The following TMC1 variants were observed in gnomAD, a reference collection of about 807,000 sequenced individuals.
TMC1 encodes transmembrane channel like 1, also known as transmembrane channel-like protein 1.
In TMC1, 84 loss-of-function variants were observed where a neutral mutation model predicts 105.8. The ratio of observed to expected loss-of-function variants is 0.79; its 90% confidence interval spans 0.67 to 0.95. The LOEUF is 0.95. Among genes scored for constraint, TMC1 ranks in the 40% least tolerant of loss-of-function variants. The pLI is 0.00. For synonymous variants in TMC1, 315 were observed against 311.5 expected, an observed-to-expected ratio of 1.01 and a Z score of -0.12; for missense variants, 817 against 914.1, an observed-to-expected ratio of 0.89 and a Z score of 1.37.
intron 5 of TMC1, among the ~76,000 whole-genome samples, chr9:72,662,688 C>G (rs1425086810): frequency 6.6e-6 from 1 of 152,024 alleles, no homozygotes; most frequent in Non-Finnish European, 1.5e-5. Context: ...TAATAAACAG[C>G]AGATTCAAAC....
At chr9:72,592,519 C>T (rs1441558031) in intron 2 of TMC1, among the ~76,000 whole-genome samples, 1 of 152,184 alleles carries the variant, frequency 6.6e-6, no homozygotes, top group African/African-American at 2.4e-5. Context: ...GCCTCTCCCT[C>T]CTCCTTCAGA....
intron 5 of TMC1, among the ~76,000 whole-genome samples, chr9:72,655,334 G>A (rs1825867491): frequency 6.6e-6 from 1 of 152,108 alleles, no homozygotes; most frequent in African/African-American, 2.4e-5. Context: ...CATGAGAATG[G>A]ACTAACACGG....
At chr9:72,592,478 G>A (rs1824654866) in intron 2 of TMC1, among the ~76,000 whole-genome samples, 1 of 152,156 alleles carries the variant, frequency 6.6e-6, no homozygotes, top group South Asian at 2.1e-4. Context: ...TCCAGCCTCA[G>A]CACCTTGCTG....
At chr9:72,700,867 T>C (rs1826634931) in intron 8 of TMC1, 1 of 196,192 alleles carries the variant, frequency 5.1e-6, no homozygotes, top group African/African-American at 2.3e-5. Flanking sequence ...TAAACATGTA[T>C]ATCATATTTC....
intron 12 of TMC1, among the ~76,000 whole-genome samples, chr9:72,757,074 G>T (rs1473883617): frequency 6.6e-6 from 1 of 152,152 alleles, no homozygotes; most frequent in South Asian, 2.1e-4. Flanking sequence ...TTCAAGGCCT[G>T]CCTGAAAACA....
chr9:72,528,675 A>C (rs1823447146), intron 1 of TMC1, among the ~76,000 whole-genome samples: 1 of 151,818 alleles, frequency 6.6e-6, no homozygotes, highest in African/African-American at 2.4e-5. Context: ...ATGGACTAAA[A>C]CCCCCATCCT....
intron 12 of TMC1, among the ~76,000 whole-genome samples, chr9:72,768,572 C>T (rs1037915931): frequency 1.3e-5 from 2 of 151,966 alleles, no homozygotes; most frequent in African/African-American, 2.4e-5. Flanking sequence ...ACTGCAGAAA[C>T]CTTTGTGAAC....
chr9:72,601,197 C>CACAG (rs1554714608), intron 2 of TMC1, among the ~76,000 whole-genome samples: 6 of 138,542 alleles, frequency 4.3e-5, no homozygotes, highest in African/African-American at 8.7e-5. Flanking sequence ...CACACACAGA[C>CACAG]ACACACACAC....
intron 4 of TMC1, among the ~76,000 whole-genome samples, chr9:72,645,834 T>C (rs1054225594): frequency 6.6e-6 from 1 of 152,208 alleles, no homozygotes; most frequent in Non-Finnish European, 1.5e-5. Context: ...TTTTCCTTAG[T>C]TAATAATGTA....
rs1343857565 is a variant in TMC1 at position 72,701,396 on chromosome 9, G to A, written c.362+753G>A. On this transcript the variant is annotated intron_variant, in intron 8 of 23. Transcript: ENST00000297784. ...GGGGATGGGAAGATTCACCCCTGAG[G>A]ATCACACTATATTTCCCTGCCCTGG... 2.6e-5 allele frequency among the ~76,000 whole-genome samples: 4 copies of A among 152,274 alleles called. No homozygotes were observed. In the East Asian group the frequency reaches 5.8e-4, roughly 22 times the overall value.
At chr9:72,544,274 A>C (rs1386262455) in intron 1 of TMC1, among the ~76,000 whole-genome samples, 1 of 151,702 alleles carries the variant, frequency 6.6e-6, no homozygotes. Flanking sequence ...TTTTGTGCTT[A>C]ACATAAAGTT....
chr9:72,664,420 G>A (rs1209081313), intron 5 of TMC1, among the ~76,000 whole-genome samples: 1 of 152,188 alleles, frequency 6.6e-6, no homozygotes, highest in East Asian at 1.9e-4. Flanking sequence ...GAAACCTGCA[G>A]TCCTAAATGG....
chr9:72,742,317 G>A (rs1370813784), intron 9 of TMC1, 127 bp from the exon 10 acceptor site: 1 of 763,428 alleles, frequency 1.3e-6, no homozygotes, highest in East Asian at 2.7e-5. Context: ...CCTTTGACTA[G>A]AAAGTAGTAT....
At chr9:72,703,594 A>G (rs1329451011) in intron 8 of TMC1, among the ~76,000 whole-genome samples, 1 of 152,110 alleles carries the variant, frequency 6.6e-6, no homozygotes, top group Non-Finnish European at 1.5e-5. Flanking sequence ...AACAATCCAT[A>G]TTACTTGTTT....
At chr9:72,697,197 T>C (rs1826564533) in intron 7 of TMC1, among the ~76,000 whole-genome samples, 1 of 152,154 alleles carries the variant, frequency 6.6e-6, no homozygotes, top group Admixed American at 6.5e-5. Flanking sequence ...ACTGGGTTTA[T>C]GATGATAACC....
intron 4 of TMC1, among the ~76,000 whole-genome samples, chr9:72,642,121 A>C (rs1825639231): frequency 6.6e-6 from 1 of 152,040 alleles, no homozygotes; most frequent in Admixed American, 6.6e-5. Context: ...CTGGCCCCAG[A>C]TCTTAGATTT....
At chr9:72,737,592 G>A (rs1291907457) in intron 8 of TMC1, among the ~76,000 whole-genome samples, 1 of 152,160 alleles carries the variant, frequency 6.6e-6, no homozygotes, top group East Asian at 1.9e-4. Flanking sequence ...CATGGGCAAG[G>A]TCATAGAGAC....
intron 1 of TMC1, among the ~76,000 whole-genome samples, chr9:72,572,388 T>A (rs1587966820): frequency 6.6e-6 from 1 of 152,090 alleles, no homozygotes; most frequent in East Asian, 1.9e-4. Flanking sequence ...AGAGATGGTA[T>A]TTTGTCATAT....
At position 72,595,988 on chromosome 9, in the gene TMC1, C is replaced by T. The variant is rs138426827; in HGVS notation, c.-306+17965C>T. Among the ~76,000 whole-genome samples the T allele has an allele frequency of 2.5e-3, 383 of 151,674 alleles. 2 individuals are homozygous for T. The highest frequency in any genetic ancestry group is 8.0e-3 in the African/African-American group (332 of 41,354). ...GCCTCCTGGGTTCAAGCGATTCTTC[C>T]GCCTCAGCCTCCCAAGTAGCTGGGA... On this transcript the variant is annotated intron_variant, in intron 2 of 23. Transcript: ENST00000297784.
Sources: allele counts gnomAD v4.1 joint callset (sites outside exome capture counted in the v4.1 genomes callset), GRCh38; gene constraint gnomAD v4.1.1; transcripts MANE v1.5; gene names NCBI Gene and HGNC (gene_info 2026-07-23, HGNC 2026-07-21).